The following PMS1 variants were observed in gnomAD, a reference collection of about 807,000 sequenced individuals.
PMS1 encodes the protein PMS1 protein homolog 1.
PMS1 carries 79 observed loss-of-function variants against 93.1 expected under a neutral mutation model. That is an observed-to-expected ratio of 0.85 (90% CI 0.71 to 1.02). The LOEUF (loss-of-function observed/expected upper bound fraction) is 1.02. Ranked by LOEUF, PMS1 falls within the 50% of genes least tolerant of loss-of-function variation. PMS1 has a pLI of 0.00. For synonymous variants in PMS1, 335 were observed against 363.4 expected, an observed-to-expected ratio of 0.92 and a Z score of 0.89; for missense variants, 1,064 against 1,085.3, an observed-to-expected ratio of 0.98 and a Z score of 0.28.
intron 7 of PMS1, among the ~76,000 whole-genome samples, chr2:189,853,083 G>A (rs968468096): frequency 6.6e-6 from 1 of 151,842 alleles, no homozygotes; most frequent in Non-Finnish European, 1.5e-5. Flanking sequence ...ATGGAGTTTC[G>A]CTCTCCAGGC....
chr2:189,869,920 AC>A (rs34996299), intron 11 of PMS1, among the ~76,000 whole-genome samples: 1 of 151,426 alleles, frequency 6.6e-6, no homozygotes, highest in East Asian at 1.9e-4. Context: ...TTTTTTAACT[AC>A]CCAGTAAGTT....
At chr2:189,818,688 A>G (rs2051543189) in intron 5 of PMS1, among the ~76,000 whole-genome samples, 1 of 152,262 alleles carries the variant, frequency 6.6e-6, no homozygotes, top group Non-Finnish European at 1.5e-5. Context: ...TTGTTGCCTA[A>G]TATCTATATG....
intron 4 of PMS1, among the ~76,000 whole-genome samples, chr2:189,809,413 C>T (rs546911260): frequency 7.8e-6 from 1 of 128,906 alleles, no homozygotes; most frequent in Non-Finnish European, 1.6e-5. Flanking sequence ...TATTATTGGC[C>T]AATATTACTT....
At chr2:189,847,093 C>T (rs1221651287) in intron 6 of PMS1, among the ~76,000 whole-genome samples, 1 of 152,022 alleles carries the variant, frequency 6.6e-6, no homozygotes, top group Non-Finnish European at 1.5e-5. Context: ...AACTCCTGAC[C>T]TCATGATCCA....
At chr2:189,830,340 C>A (rs962401670) in intron 5 of PMS1, among the ~76,000 whole-genome samples, 1 of 152,162 alleles carries the variant, frequency 6.6e-6, no homozygotes, top group East Asian at 1.9e-4. Flanking sequence ...AGTCATGCTT[C>A]CAGCTCAGGA....
rs1236104411 is a variant in PMS1, at chr2:189,864,705, T to A, written c.2342+477T>A. ...AAAAAAAAATATATATATATATATATATATATATATATATATATATATATA... is the reference window on the plus strand; with the variant it reads ...AAAAAAAAATATATATATATATATAAATATATATATATATATATATATATA... On this transcript the variant is annotated intron_variant, in intron 10 of 12. Transcript: ENST00000441310. Among the ~76,000 whole-genome samples, 37 of 37,182 alleles carry A rather than the reference T, an allele frequency of 1.0e-3. 1 individual carries two copies. The highest frequency in any genetic ancestry group is 4.1e-3 in the East Asian group (4 of 982). 24.4% of individuals were successfully genotyped at this position (37,182 alleles called of 152,430 possible).
At chr2:189,855,720 A>G (rs1222892273) in intron 9 of PMS1, 4 of 193,086 alleles carry the variant, frequency 2.1e-5, no homozygotes, top group African/African-American at 9.5e-5. Flanking sequence ...TTATTACATA[A>G]ATAGGTGATT....
chr2:189,794,593 T>A, intron 2 of PMS1, among the ~76,000 whole-genome samples: 1 of 152,220 alleles, frequency 6.6e-6, no homozygotes, highest in Non-Finnish European at 1.5e-5. Flanking sequence ...ATAGAAAGAT[T>A]TTATTTCCCC....
chr2:189,865,647 T>C (rs994126374), intron 10 of PMS1, among the ~76,000 whole-genome samples: 1 of 152,140 alleles, frequency 6.6e-6, no homozygotes, highest in Non-Finnish European at 1.5e-5. Flanking sequence ...GCAAATTGCT[T>C]TCTGTAAAAA....
intron 10 of PMS1, 126 bp from the exon 11 acceptor site, chr2:189,867,673 A>G: frequency 2.9e-6 from 2 of 680,858 alleles, no homozygotes; most frequent in Non-Finnish European, 5.2e-6. Flanking sequence ...TCATAGGGCT[A>G]CTTATACCTT....
In PMS1 at chr2:189,795,792, T is replaced by C. The variant is rs972153044; in HGVS notation, c.156T>C (p.Ile52=). Reference sequence around the variant, plus strand: ...AGGAGAACTATGGATTTGATAAAATTGAGGTGCGAGATAACGGGGAGGGTA... The same window carrying C: ...AGGAGAACTATGGATTTGATAAAATCGAGGTGCGAGATAACGGGGAGGGTA... ...VKLENYGFDK[I]EVRDNGEGIK... Residue 52 remains isoleucine, a synonymous_variant, in exon 3 of 13, where the codon ATT becomes ATC. Transcript: ENST00000441310. 6.2e-7 allele frequency: 1 copy of C among 1,613,814 alleles called. No individual in the cohort carries two copies. Among genetic ancestry groups the C allele is most frequent in the South Asian group, 1.1e-5 (1 of 91,070 alleles).
chr2:189,856,554 G>T (rs1401787444), intron 9 of PMS1, among the ~76,000 whole-genome samples: 4 of 152,066 alleles, frequency 2.6e-5, no homozygotes, highest in African/African-American at 9.7e-5. Context: ...ACACAATTGT[G>T]ATTGTCTTTA....
rs5743162 is a variant in PMS1 at position 189,865,834 on chromosome 2, T to A, written c.2342+1606T>A. 4.4e-3 allele frequency among the ~76,000 whole-genome samples: 671 copies of A among 152,338 alleles called. 8 individuals carry two copies. Among genetic ancestry groups the A allele is most frequent in the African/African-American group, 0.015 (639 of 41,580 alleles). On this transcript the variant is annotated intron_variant, in intron 10 of 12. Transcript: ENST00000441310. ...AAACCTGAAGTTTAAAAAGATAATT[T>A]GTTCCCTAGGACACATCGTTAGATA...
chr2:189,821,480 A>T (rs897194224), intron 5 of PMS1, among the ~76,000 whole-genome samples: 1 of 148,872 alleles, frequency 6.7e-6, no homozygotes, highest in African/African-American at 2.5e-5. Flanking sequence ...AAGAAAGAAA[A>T]GTGAGTGGAA....
chr2:189,826,287 G>A (rs1348358779), intron 5 of PMS1, among the ~76,000 whole-genome samples: 1 of 152,132 alleles, frequency 6.6e-6, no homozygotes, highest in African/African-American at 2.4e-5. Context: ...CAGGAGTGTG[G>A]CTCAAATGCC....
chr2:189,817,135 A>G (rs1233744216), intron 4 of PMS1, among the ~76,000 whole-genome samples: 2 of 152,196 alleles, frequency 1.3e-5, no homozygotes, highest in African/African-American at 2.4e-5. Flanking sequence ...ATGCTGCTAA[A>G]CATTCTACAA....
chr2:189,853,883 A>T lies in PMS1; in HGVS notation c.823-56A>T, dbSNP rs2055047127. 55 of 1,135,436 alleles carry T rather than the reference A, an allele frequency of 4.8e-5. 1 individual carries two copies. In the South Asian group the frequency reaches 7.1e-4, roughly 15 times the overall value. 70.3% of individuals were successfully genotyped at this position (1,135,436 alleles called of 1,614,324 possible). On this transcript the variant is annotated intron_variant, in intron 7 of 12. Coordinates refer to ENST00000441310, the MANE Select transcript of PMS1 (RefSeq NM_000534.5). ...TTCTCAGTTGAATTTGCTGGGTTTT[A>T]TTGTACTTTTTAATTACATATTATT...
intron 5 of PMS1, among the ~76,000 whole-genome samples, chr2:189,837,984 G>A (rs914417420): frequency 1.4e-4 from 21 of 152,144 alleles, no homozygotes; most frequent in African/African-American, 4.8e-4. Context: ...TATATAGAGA[G>A]AAGATAGATT....
intron 5 of PMS1, 110 bp from the exon 6 acceptor site, chr2:189,843,854 T>C: frequency 1.1e-6 from 1 of 920,548 alleles, no homozygotes; most frequent in Non-Finnish European, 1.7e-6. Context: ...TAAGTGATAC[T>C]GAAATTTTAA....
Sources: allele counts gnomAD v4.1 joint callset (sites outside exome capture counted in the v4.1 genomes callset), GRCh38; gene constraint gnomAD v4.1.1; transcripts MANE v1.5; gene names NCBI Gene and HGNC (gene_info 2026-07-23, HGNC 2026-07-21).